The following DPP10 variants were observed in gnomAD, a reference collection of about 807,000 sequenced individuals.
DPP10 encodes inactive dipeptidyl peptidase 10.
Under a neutral mutation model 120.9 loss-of-function variants are expected in DPP10, and 33 were observed. The ratio of observed to expected loss-of-function variants is 0.27; its 90% CI spans 0.21 to 0.37. The LOEUF is 0.37. Among genes scored for constraint, DPP10 ranks in the 10% least tolerant of loss-of-function variants. The pLI is 1.00. For missense variants in DPP10, 816 were observed against 942.8 expected (o/e 0.87, Z 1.76); for synonymous variants, 337 against 326.1 (o/e 1.03, Z -0.36).
At chr2:115,628,504 A>G (rs1429854030) in intron 5 of DPP10, among the ~76,000 whole-genome samples, 1 of 152,160 alleles carries the variant, frequency 6.6e-6, no homozygotes, top group Non-Finnish European at 1.5e-5. Flanking sequence ...TTTGCTGTGC[A>G]GAAGCTCTTT....
At chr2:115,312,138 A>G (rs1310802333) in intron 2 of DPP10, among the ~76,000 whole-genome samples, 1 of 152,120 alleles carries the variant, frequency 6.6e-6, no homozygotes, top group Non-Finnish European at 1.5e-5. Flanking sequence ...CACTATTATT[A>G]TTGGTAGGGA....
intron 3 of DPP10, among the ~76,000 whole-genome samples, chr2:115,364,965 C>T (rs968214369): frequency 2.0e-5 from 3 of 151,976 alleles, no homozygotes; most frequent in Admixed American, 2.0e-4. Context: ...GCTTAATTTT[C>T]GTTTAACAAA....
At chr2:115,364,337 A>G (rs142136899) in intron 3 of DPP10, among the ~76,000 whole-genome samples, 62 of 152,130 alleles carry the variant, frequency 4.1e-4, no homozygotes, top group African/African-American at 1.4e-3. Context: ...AAATTAGCTT[A>G]AAAAGCTCTG....
chr2:114,986,813 T>A (rs1700423968), intron 1 of DPP10, among the ~76,000 whole-genome samples: 1 of 152,134 alleles, frequency 6.6e-6, no homozygotes, highest in East Asian at 1.9e-4. Flanking sequence ...CTCTGTCGCC[T>A]AGGCTGGAGT....
rs572894977 is a variant in DPP10 at position 114,671,666 on chromosome 2, T to G, written c.60+228828T>G. On this transcript the variant is annotated intron_variant, in intron 1 of 25. Transcript: ENST00000410059. ...CCCTTGGATAAAGGGGGAATTACTA[T>G]CTCTGTATCTTATACCTGACTTAGA... 5.1e-3 allele frequency among the ~76,000 whole-genome samples: 777 copies of G among 152,256 alleles called. 3 individuals are homozygous for G. Among genetic ancestry groups the G allele is most frequent in the Middle Eastern group, 0.017 (5 of 292 alleles).
intron 1 of DPP10, among the ~76,000 whole-genome samples, chr2:114,842,178 C>A (rs974828272): frequency 1.3e-5 from 2 of 151,968 alleles, no homozygotes; most frequent in African/African-American, 4.8e-5. Context: ...TCTGAAAGGA[C>A]CGGAGGTGAT....
At chr2:115,470,468 T>C (rs899251100) in intron 3 of DPP10, among the ~76,000 whole-genome samples, 2 of 152,122 alleles carry the variant, frequency 1.3e-5, no homozygotes, top group African/African-American at 2.4e-5. Context: ...TGGCCAAATG[T>C]TTGAAAGCAT....
chr2:115,166,565 A>G (rs933553049), intron 1 of DPP10, among the ~76,000 whole-genome samples: 2 of 147,096 alleles, frequency 1.4e-5, no homozygotes, highest in African/African-American at 4.9e-5. Flanking sequence ...TATTATATAA[A>G]TTTATAATAT....
intron 5 of DPP10, among the ~76,000 whole-genome samples, chr2:115,564,225 A>C (rs1253670116): frequency 6.9e-6 from 1 of 145,008 alleles, no homozygotes; most frequent in Non-Finnish European, 1.5e-5. Flanking sequence ...CTGAAATTTG[A>C]TCATGTCTTT....
chr2:115,485,165 A>G (rs1234698163), intron 3 of DPP10, among the ~76,000 whole-genome samples: 1 of 151,442 alleles, frequency 6.6e-6, no homozygotes, highest in African/African-American at 2.4e-5. Flanking sequence ...GATTAAGTCC[A>G]TTATACAATT....
chr2:115,502,979 A>G (rs1417415007), intron 4 of DPP10, among the ~76,000 whole-genome samples: 1 of 152,076 alleles, frequency 6.6e-6, no homozygotes, highest in Admixed American at 6.6e-5. Context: ...CTAGGTTTAT[A>G]AGAGTGAGTC....
At chr2:115,540,744 A>C (rs1044521466) in intron 5 of DPP10, among the ~76,000 whole-genome samples, 3 of 151,906 alleles carry the variant, frequency 2.0e-5, no homozygotes, top group African/African-American at 7.2e-5. Flanking sequence ...TAATATTTCA[A>C]ATACAAAAAC....
chr2:115,275,620 A>G (rs1348351649), intron 1 of DPP10, among the ~76,000 whole-genome samples: 1 of 151,946 alleles, frequency 6.6e-6, no homozygotes, highest in East Asian at 1.9e-4. Flanking sequence ...TAAAAATTAT[A>G]TAGAAAAGTT....
At chr2:114,771,995 A>G (rs546881944) in intron 1 of DPP10, among the ~76,000 whole-genome samples, 1 of 152,180 alleles carries the variant, frequency 6.6e-6, no homozygotes, top group South Asian at 2.1e-4. Flanking sequence ...TTCATTCTAG[A>G]GTCTAAATAA....
At chr2:115,249,720 C>G (rs1242003063) in intron 1 of DPP10, among the ~76,000 whole-genome samples, 1 of 152,054 alleles carries the variant, frequency 6.6e-6, no homozygotes, top group African/African-American at 2.4e-5. Context: ...CACAGACTAT[C>G]AGAATTAAGG....
chr2:115,457,972 C>T (rs1214393613), intron 3 of DPP10, among the ~76,000 whole-genome samples: 1 of 151,922 alleles, frequency 6.6e-6, no homozygotes, highest in Non-Finnish European at 1.5e-5. Flanking sequence ...GAATGATTAA[C>T]AGTAAAAAGA....
chr2:114,613,005 A>G (rs946321740), intron 1 of DPP10, among the ~76,000 whole-genome samples: 3 of 152,182 alleles, frequency 2.0e-5, no homozygotes, highest in Non-Finnish European at 4.4e-5. Flanking sequence ...TCACACCCAA[A>G]TATCTAATCA....
At chr2:114,805,456 A>C (rs1684644438) in intron 1 of DPP10, among the ~76,000 whole-genome samples, 2 of 152,132 alleles carry the variant, frequency 1.3e-5, no homozygotes, top group Admixed American at 1.3e-4. Flanking sequence ...TTCTCCTCTT[A>C]ACTAAGTTGT....
chr2:114,449,591 G>C (rs1034680163), intron 1 of DPP10, among the ~76,000 whole-genome samples: 1 of 151,794 alleles, frequency 6.6e-6, no homozygotes, highest in Non-Finnish European at 1.5e-5. Flanking sequence ...GCATCCTTAA[G>C]TGGAGTTCTC....
Sources: allele counts gnomAD v4.1 joint callset (sites outside exome capture counted in the v4.1 genomes callset), GRCh38; gene constraint gnomAD v4.1.1; transcripts MANE v1.5; gene names NCBI Gene and HGNC (gene_info 2026-07-23, HGNC 2026-07-21).